Variants in GLI1 observed in about 807,000 individuals in gnomAD.
The protein encoded by GLI1 is transcription activator GLI1.
Under a neutral mutation model 87.8 loss-of-function variants are expected in GLI1, and 51 were observed. That is an observed-to-expected ratio of 0.58 (90% CI 0.46 to 0.73). The LOEUF (loss-of-function observed/expected upper bound fraction) is 0.73, where lower values mean the gene tolerates loss of function less well. Ranked by LOEUF, GLI1 falls within the 30% of genes least tolerant of loss-of-function variation. The pLI, the probability that GLI1 is intolerant of heterozygous loss-of-function variation, is 0.00. For synonymous variants in GLI1, 528 were observed against 558.2 expected (o/e 0.95, Z 0.76); for missense variants, 1,292 against 1,437.2 (o/e 0.90, Z 1.63).
intron 3 of GLI1, 33 bp from the exon 4 acceptor site, chr12:57,464,640 T>C (rs777353209): frequency 1.4e-5 from 21 of 1,546,630 alleles, no homozygotes; most frequent in Non-Finnish European, 1.5e-5. Context: ...CATGCCCCTT[T>C]ACCATATCCG....
intron 5 of GLI1, 85 bp downstream of exon 5, chr12:57,465,340 A>C: frequency 7.8e-7 from 1 of 1,277,502 alleles, no homozygotes. Context: ...TGAAGGAAGG[A>C]CAAGGGATAT....
At chr12:57,468,400 A>G (rs1001955078) in intron 10 of GLI1, among the ~76,000 whole-genome samples, 176 bp downstream of exon 10, 5 of 151,902 alleles carry the variant, frequency 3.3e-5, no homozygotes, top group Non-Finnish European at 5.9e-5. Flanking sequence ...AGGTTTTAGA[A>G]TCTTTCTGTC....
intron 10 of GLI1, among the ~76,000 whole-genome samples, chr12:57,468,777 C>T (rs1021267378): frequency 3.3e-4 from 50 of 151,966 alleles, no homozygotes; most frequent in Admixed American, 5.9e-4. Context: ...TTTTTTCAGA[C>T]GGAGTCTCGC....
Position 57,471,878 on chromosome 12 carries a change from G to T in GLI1, c.3138G>T (p.Gln1046His). ...ACTCTCTTGATCTTGACAACACTCAGCTGGACTTTGTGGCTATTCTGGATG... is the reference window on the plus strand; with the variant it reads ...ACTCTCTTGATCTTGACAACACTCATCTGGACTTTGTGGCTATTCTGGATG... ...PLDSLDLDNT[Q>H]LDFVAILDEP... Residue 1046 changes from glutamine to histidine, a missense_variant, in exon 12 of 12, where the codon CAG becomes CAT. Around this residue, in one of 3 missense-constraint regions of GLI1, gnomAD observed 897 missense variants for 1,040.7 expected, o/e 0.86. Coordinates refer to ENST00000228682, the MANE Select transcript of GLI1 (RefSeq NM_005269.3). The surrounding 1 kb of genome is among the most constrained non-coding windows in gnomAD (Gnocchi z 4.9). 2 of 1,600,316 alleles carry T rather than the reference G, an allele frequency of 1.2e-6. No individual in the cohort carries two copies.
In GLI1 at chr12:57,469,637, G is replaced by T; in HGVS notation, c.1515G>T (p.Gln505His). 2 of 1,614,080 alleles carry T rather than the reference G, an allele frequency of 1.2e-6. No homozygotes were observed. Among genetic ancestry groups the T allele is most frequent in the Non-Finnish European group, 1.7e-6 (2 of 1,180,026 alleles). Reference protein sequence around the residue: ...LRRLENLRLDQLHQLRPIGTR... With the variant: ...LRRLENLRLDHLHQLRPIGTR... Reference sequence around the variant, plus strand: ...GCCTTGAGAACCTCAGGCTGGACCAGCTACATCAACTCCGGCCAATAGGGA... The same window carrying T: ...GCCTTGAGAACCTCAGGCTGGACCATCTACATCAACTCCGGCCAATAGGGA... Residue 505 changes from glutamine to histidine, a missense_variant, in exon 11 of 12, where the codon CAG becomes CAT. This residue lies in a region of GLI1 where 897 missense variants were observed against 1,040.7 expected (regional missense o/e 0.86). Transcript: ENST00000228682.
chr12:57,464,574 A>T, intron 3 of GLI1, 99 bp from the exon 4 acceptor site: 1 of 761,114 alleles, frequency 1.3e-6, no homozygotes, highest in Non-Finnish European at 2.1e-6. Context: ...GCAAAGCAGA[A>T]TCAAGTATCA....
In GLI1 at chr12:57,464,721, G is replaced by T. The variant is rs1289476480; in HGVS notation, c.242G>T (p.Arg81Leu). 6.2e-7 allele frequency: 1 copy of T among 1,613,946 alleles called. No homozygotes were observed. The highest frequency in any genetic ancestry group is 1.7e-5 in the Admixed American group (1 of 59,998). Residue 81 changes from arginine to leucine, a missense_variant, in exon 4 of 12, where the codon CGG becomes CTG. This residue lies in a region of GLI1 where 383 missense variants were observed against 368.4 expected (regional missense o/e 1.04). Coordinates refer to ENST00000228682, the MANE Select transcript of GLI1 (RefSeq NM_005269.3). ...AGTGCAGTCAAGTTGACCAAGAAGC[G>T]GGCACTGTCCATCTCACCTCTGTCG... ...PRSAVKLTKKRALSISPLSDA... is the reference protein window; with the variant it reads ...PRSAVKLTKKLALSISPLSDA...
At chr12:57,463,027 A>G (rs966887618) in intron 1 of GLI1, among the ~76,000 whole-genome samples, 5 of 152,170 alleles carry the variant, frequency 3.3e-5, no homozygotes, top group Admixed American at 6.5e-5. Flanking sequence ...TGTTACTAAA[A>G]TCACTTGAAG....
In GLI1 at chr12:57,471,003, C is replaced by T. The variant is rs370486201; in HGVS notation, c.2263C>T (p.Pro755Ser). 4 of 1,610,276 alleles carry T rather than the reference C, an allele frequency of 2.5e-6. No homozygotes were observed. The African/African-American group carries it at 4.0e-5, about 16-fold the overall frequency. Residue 755 changes from proline to serine, a missense_variant, in exon 12 of 12, where the codon CCT becomes TCT. Physicochemically the swap from Pro to Ser is moderately conservative, Grantham distance 74 (BLOSUM62 -1). Coordinates refer to ENST00000228682, the MANE Select transcript of GLI1 (RefSeq NM_005269.3). This position sits in a 1 kb window ranked among gnomAD's most constrained non-coding sequence, Gnocchi z 4.9. ...ARGPGSLPLG[P>S]GPPTNYGPNP... ...GGGTCCAGGCTCTCTGCCTCTTGGG[C>T]CTGGTCCACCCACCAACTATGGCCC... is the stretch of plus-strand genomic sequence containing the variant.
chr12:57,470,891 T>G lies in GLI1; in HGVS notation c.2151T>G (p.Gly717=), dbSNP rs895332687. The G allele has an allele frequency of 1.9e-6, 3 of 1,612,972 alleles. No individual in the cohort carries two copies. The African/African-American group carries it at 4.0e-5, about 22-fold the overall frequency. The part of the protein sequence containing the change: ...PEVGTSMVGS[G]LNPYMDFPPT... ...TTGGGACCTCCATGGTGGGCAGTGG[T>G]CTGAACCCCTATATGGACTTCCCAC... Residue 717 remains glycine (G), a synonymous_variant, in exon 12 of 12, where the codon GGT becomes GGG. Transcript: ENST00000228682.
intron 3 of GLI1, 111 bp from the exon 4 acceptor site, chr12:57,464,562 G>A: frequency 1.4e-6 from 1 of 697,184 alleles, no homozygotes; most frequent in Non-Finnish European, 2.4e-6. Flanking sequence ...AGCATCAATA[G>A]GGCAAAGCAG....
rs1460485464 is a variant in GLI1 at position 57,470,751 on chromosome 12, G to A, written c.2011G>A (p.Gly671Arg). 2 of 1,613,168 alleles carry A rather than the reference G, an allele frequency of 1.2e-6. No homozygotes were observed. The highest frequency in any genetic ancestry group is 1.7e-6 in the Non-Finnish European group (2 of 1,179,718). The change falls in exon 12 of 12, where the codon GGG (glycine) becomes AGG (arginine). Residue 671 changes from glycine to arginine, a missense_variant. Gly to Arg is a moderately radical substitution (Grantham distance 125, BLOSUM62 -2). This residue lies in a region of GLI1 where 897 missense variants were observed against 1,040.7 expected (regional missense o/e 0.86). Coordinates refer to ENST00000228682, the MANE Select transcript of GLI1 (RefSeq NM_005269.3). ...GCVHTPPTVA[G>R]GGQNFDPYLP... ...TGTCCATACCCCACCCACTGTGGCA[G>A]GGGGAGGACAGAACTTTGATCCTTA... is the stretch of plus-strand genomic sequence containing the variant.
intron 8 of GLI1, 148 bp downstream of exon 8, chr12:57,466,537 A>T (rs1410659187): frequency 4.9e-6 from 3 of 612,778 alleles, no homozygotes. Context: ...TGTTGGCATA[A>T]AGATGAATAT....
chr12:57,470,533 G>T lies in GLI1; in HGVS notation c.1793G>T (p.Gly598Val), dbSNP rs376908129. ...LLRARYASAR[G>V]GGTSPTAASS... ...CGGGCAAGATATGCTTCAGCCAGAGGGGGTGGTACTTCGCCCACTGCAGCA... is the reference window on the plus strand; with the variant it reads ...CGGGCAAGATATGCTTCAGCCAGAGTGGGTGGTACTTCGCCCACTGCAGCA... Residue 598 changes from glycine (G) to valine (V), a missense_variant, in exon 12 of 12, where the codon GGG becomes GTG. Gly to Val is a moderately radical substitution (Grantham distance 109). Coordinates refer to ENST00000228682, the MANE Select transcript of GLI1 (RefSeq NM_005269.3). The T allele has an allele frequency of 1.2e-6, 2 of 1,614,048 alleles. No homozygotes were observed. The highest frequency in any genetic ancestry group is 8.5e-7 in the Non-Finnish European group (1 of 1,179,962).
Position 57,470,414 on chromosome 12 carries a change from C to T in GLI1, c.1674C>T (p.Arg558=). 1 of 1,614,106 alleles carries T rather than the reference C, an allele frequency of 6.2e-7. No individual in the cohort carries two copies. The highest frequency in any genetic ancestry group is 2.2e-5 in the East Asian group (1 of 44,884). Residue 558 remains arginine (R), a synonymous_variant, in exon 12 of 12, where the codon CGC becomes CGT. Transcript: ENST00000228682. ...SISSAYTVSR[R]SSLASPFPPG... ...GCTCTGCCTATACTGTCAGCCGCCG[C>T]TCCTCCCTGGCCTCTCCTTTCCCCC...
Position 57,469,593 on chromosome 12 carries a change from G to T in GLI1, c.1471G>T (p.Gly491Cys), listed in dbSNP as rs185679191. ...CGAGGGACCTTGCATTGCTGGCACT[G>T]GTCTGTCCACTCTTCGCCGCCTTGA... Reference protein sequence around the residue: ...LDEGPCIAGTGLSTLRRLENL... With the variant: ...LDEGPCIAGTCLSTLRRLENL... The change falls in exon 11 of 12, where the codon GGT becomes TGT. Residue 491 changes from glycine to cysteine, a missense_variant. Transcript: ENST00000228682. 6.2e-7 allele frequency: 1 copy of T among 1,614,186 alleles called. No homozygotes were observed. The highest frequency in any genetic ancestry group is 1.7e-5 in the Admixed American group (1 of 60,030).
chr12:57,464,531 A>C (rs1339734188), intron 3 of GLI1, 142 bp from the exon 4 acceptor site: 46 of 627,456 alleles, frequency 7.3e-5, no homozygotes, highest in South Asian at 2.9e-4. Context: ...CTCTCAAAAA[A>C]AAAAAAAAAA....
intron 8 of GLI1, among the ~76,000 whole-genome samples, chr12:57,466,915 T>C (rs771281181): frequency 1.3e-4 from 20 of 151,974 alleles, no homozygotes; most frequent in Admixed American, 1.3e-3. Context: ...AAAAAAAAAT[T>C]TTTTTTAAAA....
intron 1 of GLI1, among the ~76,000 whole-genome samples, chr12:57,461,763 G>A (rs1038808819): frequency 6.6e-6 from 1 of 152,028 alleles, no homozygotes; most frequent in Non-Finnish European, 1.5e-5. Context: ...AGGCACGGGG[G>A]CGGGGAAGGC....
Sources: allele counts gnomAD v4.1 joint callset (sites outside exome capture counted in the v4.1 genomes callset), GRCh38; gene constraint gnomAD v4.1.1; regional missense constraint gnomAD v4.1.1; non-coding constraint Gnocchi (gnomAD v3.1); transcripts MANE v1.5; gene names NCBI Gene and HGNC (gene_info 2026-07-23, HGNC 2026-07-21).